The following FHIT variants were observed in gnomAD, a reference collection of about 807,000 sequenced individuals.
FHIT encodes the protein bis(5'-adenosyl)-triphosphatase.
FHIT carries 19 observed loss-of-function variants against 17.9 expected under a neutral mutation model. The observed-to-expected ratio is 1.06, with a 90% CI of 0.74 to 1.56. FHIT has a LOEUF of 1.56. Among genes scored for constraint, FHIT ranks in the 40% most tolerant of loss-of-function variants. The pLI, the probability that FHIT is intolerant of heterozygous loss-of-function variation, is 0.00. For synonymous variants in FHIT, 81 were observed against 69.7 expected (o/e 1.16, Z -0.81); for missense variants, 248 against 189.2 (o/e 1.31, Z -1.82).
intron 1 of FHIT, chr3:61,244,227 C>T (rs561606723): frequency 2.0e-5 from 3 of 152,258 alleles, no homozygotes; most frequent in South Asian, 2.1e-4. Context: ...CCCACTCTTT[C>T]GGTTATCTGG....
intron 5 of FHIT, among the ~76,000 whole-genome samples, chr3:60,130,329 G>A (rs1449640789): frequency 6.6e-6 from 1 of 152,132 alleles, no homozygotes; most frequent in Non-Finnish European, 1.5e-5. Flanking sequence ...CATTTATTGT[G>A]CTTTTCTGCA....
intron 5 of FHIT, among the ~76,000 whole-genome samples, chr3:60,217,114 C>A (rs755674090): frequency 6.6e-6 from 1 of 152,166 alleles, no homozygotes; most frequent in Non-Finnish European, 1.5e-5. Flanking sequence ...AATTTTGTGA[C>A]ATCTGTAAAA....
chr3:60,310,666 T>C (rs911723231), intron 5 of FHIT, among the ~76,000 whole-genome samples: 2 of 151,872 alleles, frequency 1.3e-5, no homozygotes, highest in African/African-American at 4.8e-5. Context: ...ACAAAAGCAC[T>C]CTACGTATTC....
intron 3 of FHIT, among the ~76,000 whole-genome samples, chr3:60,987,318 C>T (rs2029861893): frequency 6.6e-6 from 1 of 152,188 alleles, no homozygotes; most frequent in African/African-American, 2.4e-5. Flanking sequence ...AACACCCAAG[C>T]TGGAAGGTTG....
intron 5 of FHIT, among the ~76,000 whole-genome samples, chr3:60,081,334 G>A (rs1303606071): frequency 6.6e-6 from 1 of 151,994 alleles, no homozygotes; most frequent in East Asian, 1.9e-4. Flanking sequence ...CTATTTTACT[G>A]TTTACTTGAC....
Position 59,857,705 on chromosome 3 carries a change from G to GTTTTTTTTTTTTTTTTTTTTTT in FHIT, c.348+64640_348+64641insAAAAAAAAAAAAAAAAAAAAAA, listed in dbSNP as rs78150569. ...ATGACTATGCTGTGCAAAGTGCTGGGTTTTTTTTTTTTTTTTTGTATCCTA... is the reference window on the plus strand; with the variant it reads ...ATGACTATGCTGTGCAAAGTGCTGGGTTTTTTTTTTTTTTTTTTTTTTTTTTTTTTTTTTTTTTTGTATCCTA... On this transcript the variant is annotated intron_variant, in intron 8 of 9. Coordinates refer to ENST00000492590, the MANE Select transcript of FHIT (RefSeq NM_002012.4). 7.8e-5 allele frequency among the ~76,000 whole-genome samples: 9 copies of GTTTTTTTTTTTTTTTTTTTTTT among 115,432 alleles called. 1 individual carries two copies. The highest frequency in any genetic ancestry group is 2.9e-4 in the African/African-American group (8 of 27,654). The allele number at this position is 115,432 out of a possible 152,430, so 75.7% of individuals were successfully genotyped here. A position where few individuals can be genotyped will look rare whatever the true frequency, so the allele number is the denominator to read the frequency against.
At chr3:60,657,313 A>C (rs543737676) in intron 4 of FHIT, among the ~76,000 whole-genome samples, 16 of 152,250 alleles carry the variant, frequency 1.1e-4, no homozygotes, top group African/African-American at 3.9e-4. Flanking sequence ...TGTTGCTAAA[A>C]GTTCTGTAGT....
At chr3:59,895,971 T>C (rs1704051570) in intron 8 of FHIT, among the ~76,000 whole-genome samples, 1 of 152,204 alleles carries the variant, frequency 6.6e-6, no homozygotes, top group Non-Finnish European at 1.5e-5. Flanking sequence ...ATCTAGATCC[T>C]TACATGGCTG....
At chr3:60,774,760 A>G (rs1700163212) in intron 4 of FHIT, among the ~76,000 whole-genome samples, 1 of 152,214 alleles carries the variant, frequency 6.6e-6, no homozygotes, top group Non-Finnish European at 1.5e-5. Context: ...GGATCTGATC[A>G]CAGAGCTAGC....
intron 4 of FHIT, chr3:60,553,535 GGAGAGAGAGAGA>G (rs371269445): frequency 8.2e-6 from 1 of 121,640 alleles, no homozygotes; most frequent in African/African-American, 3.1e-5. Context: ...AGAGAGAGAG[GGAGAGAGAGAGA>G]GAGAGAGAGA....
At chr3:60,760,722 A>T (rs1329855124) in intron 4 of FHIT, among the ~76,000 whole-genome samples, 3 of 152,216 alleles carry the variant, frequency 2.0e-5, no homozygotes, top group Non-Finnish European at 2.9e-5. Context: ...TAAAGAAGAC[A>T]TGGCAACTTG....
chr3:61,231,545 T>C (rs1212957179), intron 1 of FHIT, among the ~76,000 whole-genome samples: 1 of 152,014 alleles, frequency 6.6e-6, no homozygotes. Flanking sequence ...ATGTTGTTTA[T>C]TAATTCAAAC....
intron 2 of FHIT, among the ~76,000 whole-genome samples, chr3:61,117,083 C>T (rs1318342813): frequency 6.6e-6 from 1 of 152,022 alleles, no homozygotes; most frequent in Non-Finnish European, 1.5e-5. Context: ...AGAAAGCTTC[C>T]AATAATTTTA....
At position 60,418,475 on chromosome 3, in the gene FHIT, T is replaced by C. The variant is rs527428401; in HGVS notation, c.103+118385A>G. Among the ~76,000 whole-genome samples the C allele has an allele frequency of 1.7e-4, 24 of 144,954 alleles. 2 individuals carry two copies. In the South Asian group the frequency reaches 5.3e-3, roughly 32 times the overall value. On this transcript the variant is annotated intron_variant, in intron 5 of 9. Coordinates refer to ENST00000492590, the MANE Select transcript of FHIT (RefSeq NM_002012.4). ...CGATTAGACAGCCCTTACCAAGGTA[T>C]TTTTCTTGCTTTTCTTAAATGGTAT...
chr3:60,387,915 G>T (rs578051591), intron 5 of FHIT, among the ~76,000 whole-genome samples: 1 of 152,054 alleles, frequency 6.6e-6, no homozygotes, highest in East Asian at 1.9e-4. Flanking sequence ...ATTCTCAAAG[G>T]AGTGAGCCCT....
intron 5 of FHIT, among the ~76,000 whole-genome samples, chr3:60,020,522 G>A (rs939096780): frequency 3.3e-5 from 5 of 152,190 alleles, no homozygotes; most frequent in African/African-American, 9.6e-5. Context: ...ATGAAGTAAG[G>A]CAGTATCAGA....
chr3:60,861,199 TATGATATATATGA>T (rs1703824275), intron 3 of FHIT, among the ~76,000 whole-genome samples: 1 of 1,214 alleles, frequency 8.2e-4, no homozygotes, highest in Non-Finnish European at 1.7e-3. Context: ...ATATATCATA[TATGATATATATGA>T]TATATATGAT....
chr3:60,938,841 C>A (rs1559848081), intron 3 of FHIT, among the ~76,000 whole-genome samples: 2 of 151,362 alleles, frequency 1.3e-5, no homozygotes, highest in East Asian at 1.9e-4. Context: ...CATTGAGAAA[C>A]ATAATTTGAA....
intron 5 of FHIT, among the ~76,000 whole-genome samples, chr3:60,421,126 T>A (rs1379971387): frequency 6.6e-6 from 1 of 152,032 alleles, no homozygotes; most frequent in East Asian, 1.9e-4. Flanking sequence ...ATTGGCATTT[T>A]GGAAATATTG....
Sources: gnomAD v4.1 joint callset for allele counts (sites outside exome capture counted in the v4.1 genomes callset) on GRCh38, gnomAD v4.1.1 for gene constraint, MANE v1.5 for transcripts, NCBI Gene and HGNC (gene_info 2026-07-23, HGNC 2026-07-21) for gene names.